DENND1A: variants seen among roughly 807,000 people sequenced by gnomAD.
The protein encoded by DENND1A is DENN domain containing 1A.
DENND1A carries 51 observed loss-of-function variants against 113.7 expected under a neutral mutation model. The observed-to-expected ratio is 0.45, with a 90% CI of 0.36 to 0.57. The LOEUF (loss-of-function observed/expected upper bound fraction) is 0.57, where lower values mean the gene tolerates loss of function less well. DENND1A is among the 20% of genes least tolerant of loss of function. The pLI is 0.00. For synonymous variants in DENND1A, 565 were observed against 570.8 expected (o/e 0.99, Z 0.14); for missense variants, 1,258 against 1,395.9 (o/e 0.90, Z 1.57).
intron 3 of DENND1A, among the ~76,000 whole-genome samples, chr9:123,789,431 C>T (rs575507223): frequency 6.6e-6 from 1 of 152,198 alleles, no homozygotes; most frequent in East Asian, 1.9e-4. Context: ...TTTAATAAAA[C>T]GTGTTGGGTC....
chr9:123,611,285 C>T (rs759771828), intron 10 of DENND1A, among the ~76,000 whole-genome samples: 7 of 152,072 alleles, frequency 4.6e-5, no homozygotes. Context: ...AAACTGTAAA[C>T]CATTAGTTTA....
chr9:123,470,046 G>T (rs1427681146), intron 13 of DENND1A, among the ~76,000 whole-genome samples: 1 of 152,226 alleles, frequency 6.6e-6, no homozygotes, highest in Non-Finnish European at 1.5e-5. Flanking sequence ...CTAAGGTGAT[G>T]TTGAACAGAA....
intron 20 of DENND1A, among the ~76,000 whole-genome samples, chr9:123,408,466 A>G (rs186904649): frequency 6.6e-6 from 1 of 152,222 alleles, no homozygotes; most frequent in East Asian, 1.9e-4. Context: ...CATTACCTTT[A>G]CCAGGTGGTA....
chr9:123,811,889 C>T (rs1836683188), intron 2 of DENND1A, among the ~76,000 whole-genome samples: 1 of 152,082 alleles, frequency 6.6e-6, no homozygotes, highest in South Asian at 2.1e-4. Context: ...TGTAATTGGA[C>T]CTCTGAAATA....
rs774598807 is a variant in DENND1A at position 123,450,763 on chromosome 9, T to TA, written c.1300-15dup. ...ATGATCTTTTGCCTGCATGAAAAAT[T>TA]AATTTAAGTTAAGATTCCCTTTCTG... On this transcript the variant is annotated splice_polypyrimidine_tract_variant and intron_variant, in intron 17 of 23. Coordinates refer to ENST00000394215, the MANE Select transcript of DENND1A (RefSeq NM_001352964.2). The TA allele has an allele frequency of 7.5e-6, 12 of 1,605,254 alleles. No individual in the cohort carries two copies. In the African/African-American group the frequency reaches 1.6e-4, roughly 22 times the overall value.
intron 1 of DENND1A, among the ~76,000 whole-genome samples, chr9:123,879,359 C>T (rs562399314): frequency 6.6e-6 from 1 of 152,038 alleles, no homozygotes; most frequent in African/African-American, 2.4e-5. Flanking sequence ...ATAGCAAAAC[C>T]CTGTCTCTAC....
chr9:123,654,887 C>A (rs564699936), intron 8 of DENND1A, among the ~76,000 whole-genome samples: 1 of 152,296 alleles, frequency 6.6e-6, no homozygotes, highest in Non-Finnish European at 1.5e-5. Context: ...TGGGGCAGAG[C>A]GGGGCCCCAG....
intron 12 of DENND1A, among the ~76,000 whole-genome samples, chr9:123,568,054 T>G (rs540263347): frequency 6.6e-6 from 1 of 152,192 alleles, no homozygotes; most frequent in Non-Finnish European, 1.5e-5. Context: ...CCAACCAAAC[T>G]TCAGACCTGA....
chr9:123,883,804 TACTC>T (rs1848632709), intron 1 of DENND1A, among the ~76,000 whole-genome samples: 1 of 150,800 alleles, frequency 6.6e-6, no homozygotes, highest in Non-Finnish European at 1.5e-5. Flanking sequence ...CTAAGATTCT[TACTC>T]AGTTCAAACA....
chr9:123,496,406 T>C (rs1344407104), intron 13 of DENND1A, among the ~76,000 whole-genome samples: 1 of 152,254 alleles, frequency 6.6e-6, no homozygotes, highest in Non-Finnish European at 1.5e-5. Context: ...GCAAGTGATT[T>C]TGAAGAGGAC....
chr9:123,518,243 A>G, intron 13 of DENND1A, among the ~76,000 whole-genome samples: 1 of 152,224 alleles, frequency 6.6e-6, no homozygotes, highest in Non-Finnish European at 1.5e-5. Flanking sequence ...TTTCCTCGAC[A>G]TCATTAATTT....
intron 5 of DENND1A, among the ~76,000 whole-genome samples, chr9:123,710,798 A>G (rs1056769032): frequency 2.0e-5 from 3 of 151,096 alleles, no homozygotes; most frequent in Non-Finnish European, 2.9e-5. Flanking sequence ...TCAGCCTCCC[A>G]AGTAGCTGGG....
rs545163733 is a variant in DENND1A, at chr9:123,556,328, G to T, written c.993+1242C>A. On this transcript the variant is annotated intron_variant, in intron 13 of 23. Coordinates refer to ENST00000394215, the MANE Select transcript of DENND1A (RefSeq NM_001352964.2). ...CTGCTCCCTGAGCACCCACTGCCCC[G>T]GCCACTTCACAGAGAGCAGGTCCTG... 1.5e-3 allele frequency among the ~76,000 whole-genome samples: 230 copies of T among 152,254 alleles called. 2 individuals carry two copies. The highest frequency in any genetic ancestry group is 5.5e-3 in the African/African-American group (227 of 41,548).
rs368739618 is a variant in DENND1A, at chr9:123,681,873, T to A, written c.303-5084A>T. Among the ~76,000 whole-genome samples, 526 of 149,038 alleles carry A rather than the reference T, an allele frequency of 3.5e-3. 2 individuals carry two copies. The highest frequency in any genetic ancestry group is 6.0e-3 in the Non-Finnish European group (404 of 67,388). Reference sequence around the variant, plus strand: ...GGAACCTGGGCTCCTTGAAAAAAAATGTCTGATTCCAGGGCTGGGGCTGGG... The same window carrying A: ...GGAACCTGGGCTCCTTGAAAAAAAAAGTCTGATTCCAGGGCTGGGGCTGGG... On this transcript the variant is annotated intron_variant, in intron 5 of 23. Coordinates refer to ENST00000394215, the MANE Select transcript of DENND1A (RefSeq NM_001352964.2).
chr9:123,677,025 C>A (rs2064120772), intron 5 of DENND1A, among the ~76,000 whole-genome samples: 1 of 152,198 alleles, frequency 6.6e-6, no homozygotes, highest in Admixed American at 6.5e-5. Context: ...TGCCTCAGAG[C>A]TAGAACAGTT....
At chr9:123,721,902 G>A (rs2067369210) in intron 5 of DENND1A, among the ~76,000 whole-genome samples, 1 of 152,174 alleles carries the variant, frequency 6.6e-6, no homozygotes, top group African/African-American at 2.4e-5. Flanking sequence ...CAGTAGAGTG[G>A]GGCATTGCTG....
At chr9:123,593,536 C>T (rs140169963) in intron 11 of DENND1A, among the ~76,000 whole-genome samples, 362 of 152,250 alleles carry the variant, frequency 2.4e-3, no homozygotes, top group African/African-American at 8.4e-3. Flanking sequence ...CCACAACATG[C>T]TTTGCATTTG....
intron 13 of DENND1A, among the ~76,000 whole-genome samples, chr9:123,502,373 T>C (rs969259749): frequency 2.0e-5 from 3 of 152,252 alleles, no homozygotes; most frequent in Non-Finnish European, 4.4e-5. Context: ...TCTGCTTTTT[T>C]AACAGTAGCC....
intron 2 of DENND1A, among the ~76,000 whole-genome samples, chr9:123,870,839 G>T (rs1846483791): frequency 6.6e-6 from 1 of 152,118 alleles, no homozygotes; most frequent in Non-Finnish European, 1.5e-5. Context: ...CATCTTTAGA[G>T]AATTGTTCGA....
Sources: gnomAD v4.1 joint callset for allele counts (sites outside exome capture counted in the v4.1 genomes callset) on GRCh38, gnomAD v4.1.1 for gene constraint, MANE v1.5 for transcripts, NCBI Gene and HGNC (gene_info 2026-07-23, HGNC 2026-07-21) for gene names.